The following CADM1 variants were observed in gnomAD, a reference collection of about 807,000 sequenced individuals.
The protein encoded by CADM1 is cell adhesion molecule 1.
CADM1 carries 15 observed loss-of-function variants against 53.1 expected under a neutral mutation model. The ratio of observed to expected loss-of-function variants is 0.28; its 90% CI spans 0.19 to 0.44. The LOEUF is 0.44. CADM1 is among the 20% of genes least tolerant of loss of function. The pLI is 1.00. For synonymous variants in CADM1, 281 were observed against 243.0 expected (o/e 1.16, Z -1.45); for missense variants, 434 against 611.3 (o/e 0.71, Z 3.06).
chr11:115,328,093 G>A (rs1945007061), intron 1 of CADM1, among the ~76,000 whole-genome samples: 1 of 151,778 alleles, frequency 6.6e-6, no homozygotes, highest in Admixed American at 6.6e-5. Context: ...TCTTCTTTCT[G>A]AGTTAATTTT....
intron 1 of CADM1, among the ~76,000 whole-genome samples, chr11:115,251,793 C>T (rs1942614142): frequency 6.6e-6 from 1 of 152,136 alleles, no homozygotes; most frequent in African/African-American, 2.4e-5. Flanking sequence ...GGTCCCAGCT[C>T]AACCTGGGAA....
intron 1 of CADM1, among the ~76,000 whole-genome samples, chr11:115,289,135 C>A (rs747088626): frequency 6.6e-6 from 1 of 152,116 alleles, no homozygotes; most frequent in Non-Finnish European, 1.5e-5. Flanking sequence ...GAGGCCGAGG[C>A]GGGCAGATCA....
intron 1 of CADM1, among the ~76,000 whole-genome samples, chr11:115,393,752 T>C (rs1463703860): frequency 6.6e-6 from 1 of 152,040 alleles, no homozygotes; most frequent in Non-Finnish European, 1.5e-5. Flanking sequence ...CTAATCCACA[T>C]AGCTATGAAA....
At chr11:115,439,026 C>T (rs1271157604) in intron 1 of CADM1, among the ~76,000 whole-genome samples, 1 of 152,158 alleles carries the variant, frequency 6.6e-6, no homozygotes, top group Non-Finnish European at 1.5e-5. Context: ...ATCAGAGAAC[C>T]CACTCTGGGA....
chr11:115,481,813 G>C (rs965786233), intron 1 of CADM1, among the ~76,000 whole-genome samples: 3 of 152,078 alleles, frequency 2.0e-5, no homozygotes, highest in African/African-American at 7.2e-5. Context: ...AAGCTGCCTA[G>C]CAACTACCTG....
intron 1 of CADM1, among the ~76,000 whole-genome samples, chr11:115,486,926 G>A (rs562824808): frequency 1.3e-5 from 2 of 152,118 alleles, no homozygotes; most frequent in African/African-American, 2.4e-5. Flanking sequence ...AGAGGTGCCC[G>A]TGATCTGAAA....
At chr11:115,216,348 T>C (rs931754736) in intron 6 of CADM1, among the ~76,000 whole-genome samples, 1 of 152,198 alleles carries the variant, frequency 6.6e-6, no homozygotes, top group Admixed American at 6.5e-5. Context: ...GCACATTCAA[T>C]TGAACGAAGT....
At chr11:115,295,508 A>ATT (rs1944030230) in intron 1 of CADM1, among the ~76,000 whole-genome samples, 5 of 63,612 alleles carry the variant, frequency 7.9e-5, no homozygotes. Flanking sequence ...AAGATATTTT[A>ATT]TATATATATA....
At chr11:115,478,484 C>T (rs1018960922) in intron 1 of CADM1, among the ~76,000 whole-genome samples, 5 of 152,054 alleles carry the variant, frequency 3.3e-5, no homozygotes, top group African/African-American at 4.8e-5. Context: ...AGTAAATAAA[C>T]GATTACTGCA....
rs1334428259 is a variant in CADM1 at position 115,484,432 on chromosome 11, T to C, written c.124+19839A>G. ...TGTCCAGAAAAACAGCTTCCATCTA[T>C]CCTCCCTCCATGCTTAAGCCTGCCA... On this transcript the variant is annotated intron_variant, in intron 1 of 11. Transcript: ENST00000331581. 3.3e-5 allele frequency among the ~76,000 whole-genome samples: 5 copies of C among 152,306 alleles called. No individual in the cohort carries two copies. The East Asian group carries it at 9.6e-4, about 29-fold the overall frequency.
At chr11:115,258,985 C>T (rs1942879933) in intron 1 of CADM1, among the ~76,000 whole-genome samples, 1 of 152,038 alleles carries the variant, frequency 6.6e-6, no homozygotes, top group Non-Finnish European at 1.5e-5. Context: ...AAAATGTTAA[C>T]TTTCCAACTT....
intron 8 of CADM1, among the ~76,000 whole-genome samples, chr11:115,201,795 T>C (rs55920282): frequency 0.013 from 2,005 of 152,274 alleles, 32 homozygotes; most frequent in African/African-American, 0.042. Context: ...TTGGGTTATA[T>C]AGACATTTAA....
At chr11:115,275,171 T>C (rs908899504) in intron 1 of CADM1, among the ~76,000 whole-genome samples, 5 of 152,198 alleles carry the variant, frequency 3.3e-5, no homozygotes, top group African/African-American at 9.7e-5. Flanking sequence ...CCCCTCCCCG[T>C]GGGAGCCACA....
Position 115,172,958 on chromosome 11 carries a change from T to G in CADM1, c.*3516A>C, listed in dbSNP as rs1010189301. The G allele has an allele frequency of 6.6e-6, 1 of 152,152 alleles. No individual in the cohort carries two copies. The highest frequency in any genetic ancestry group is 1.5e-5 in the Non-Finnish European group (1 of 68,058). The allele number at this position is 152,152 out of a possible 1,614,324, so 9.4% of individuals were successfully genotyped here. ...ACTTTGGGCCTGGCCAGACGTTATC[T>G]GCACATTTATAAGATCGGCCACCAT... is the stretch of plus-strand genomic sequence containing the variant. On this transcript the variant is annotated 3_prime_UTR_variant, in exon 12 of 12. Transcript: ENST00000331581.
chr11:115,362,133 T>C (rs1041696744), intron 1 of CADM1, among the ~76,000 whole-genome samples: 2 of 152,218 alleles, frequency 1.3e-5, no homozygotes, highest in African/African-American at 4.8e-5. Flanking sequence ...ACTGGAGAAA[T>C]ATTATTCAGA....
intron 1 of CADM1, among the ~76,000 whole-genome samples, chr11:115,276,936 A>G (rs1285089480): frequency 6.6e-6 from 1 of 152,178 alleles, no homozygotes; most frequent in Non-Finnish European, 1.5e-5. Context: ...GCTCTGCAGA[A>G]GCGGAAAAAG....
At chr11:115,409,780 C>T (rs7947456) in intron 1 of CADM1, among the ~76,000 whole-genome samples, 46,617 of 151,686 alleles carry the variant, frequency 0.31, 8,347 homozygotes, top group Non-Finnish European at 0.42. Context: ...AGATATATAG[C>T]ATTAGGGCAG....
At chr11:115,444,847 G>T (rs1219363486) in intron 1 of CADM1, among the ~76,000 whole-genome samples, 1 of 152,192 alleles carries the variant, frequency 6.6e-6, no homozygotes, top group Non-Finnish European at 1.5e-5. Context: ...GAACACTAGA[G>T]GGAGAAATCA....
intron 1 of CADM1, among the ~76,000 whole-genome samples, chr11:115,439,935 T>C (rs574528242): frequency 1.3e-4 from 20 of 152,250 alleles, no homozygotes; most frequent in Non-Finnish European, 2.8e-4. Flanking sequence ...TTTTAAAATC[T>C]GTTCCCTGAA....
Sources: gnomAD v4.1 joint callset for allele counts (sites outside exome capture counted in the v4.1 genomes callset) on GRCh38, gnomAD v4.1.1 for gene constraint, MANE v1.5 for transcripts, NCBI Gene and HGNC (gene_info 2026-07-23, HGNC 2026-07-21) for gene names.